Variants in PIP4K2A observed in about 807,000 individuals in gnomAD.
PIP4K2A encodes phosphatidylinositol-5-phosphate 4-kinase type 2 alpha.
PIP4K2A carries 14 observed loss-of-function variants against 42.9 expected under a neutral mutation model. The ratio of observed to expected loss-of-function variants is 0.33; its 90% CI spans 0.22 to 0.51. The LOEUF (loss-of-function observed/expected upper bound fraction) is 0.51, where lower values mean the gene tolerates loss of function less well. Among genes scored for constraint, PIP4K2A ranks in the 20% least tolerant of loss-of-function variants. The probability of loss-of-function intolerance (pLI) is 0.97; values close to 1 mark genes in which losing one functional copy is unlikely to be tolerated. For synonymous variants in PIP4K2A, 192 were observed against 192.2 expected (o/e 1.00, Z 0.01); for missense variants, 434 against 519.8 (o/e 0.83, Z 1.61).
intron 1 of PIP4K2A, among the ~76,000 whole-genome samples, chr10:22,634,280 C>T (rs146972784): frequency 6.6e-6 from 1 of 152,342 alleles, no homozygotes; most frequent in Non-Finnish European, 1.5e-5. Flanking sequence ...AACTATCATG[C>T]ATCACACCTT....
At chr10:22,611,049 G>GA (rs1309265946) in intron 1 of PIP4K2A, among the ~76,000 whole-genome samples, 1 of 152,090 alleles carries the variant, frequency 6.6e-6, no homozygotes, top group Non-Finnish European at 1.5e-5. Context: ...GATTATATTT[G>GA]AAAAAATAAT....
At chr10:22,704,009 T>C (rs1833762985) in intron 1 of PIP4K2A, among the ~76,000 whole-genome samples, 1 of 152,156 alleles carries the variant, frequency 6.6e-6, no homozygotes, top group Non-Finnish European at 1.5e-5. Flanking sequence ...AGAGGCCTGC[T>C]TGGGACATCT....
chr10:22,654,278 ACACT>A (rs1158366728), intron 1 of PIP4K2A, among the ~76,000 whole-genome samples: 1 of 152,248 alleles, frequency 6.6e-6, no homozygotes, highest in Non-Finnish European at 1.5e-5. Context: ...GGTGAGCTGG[ACACT>A]CACTCAGATT....
chr10:22,542,171 T>C, intron 7 of PIP4K2A, 124 bp from the exon 8 acceptor site: 2 of 752,528 alleles, frequency 2.7e-6, no homozygotes, highest in Non-Finnish European at 4.4e-6. Context: ...AGGCGCCGGG[T>C]GCCTCCTTCA....
At position 22,576,352 on chromosome 10, in the gene PIP4K2A, G is replaced by A. The variant is rs146289504; in HGVS notation, c.493-2895C>T. On this transcript the variant is annotated intron_variant, in intron 4 of 9. Coordinates refer to ENST00000376573, the MANE Select transcript of PIP4K2A (RefSeq NM_005028.5). ...GATGTTGACACAAAGAGACCTGAAT[G>A]AGAATCCTGGTGGATTCTCCCAGTT... 5.4e-4 allele frequency among the ~76,000 whole-genome samples: 82 copies of A among 152,292 alleles called. No homozygotes were observed. In the East Asian group the frequency reaches 5.8e-3, roughly 11 times the overall value.
Position 22,590,943 on chromosome 10 carries a change from C to T in PIP4K2A, c.492+686G>A, listed in dbSNP as rs145644455. Among the ~76,000 whole-genome samples, 629 of 152,340 alleles carry T rather than the reference C, an allele frequency of 4.1e-3. 2 individuals are homozygous for T. Among genetic ancestry groups the T allele is most frequent in the African/African-American group, 0.015 (610 of 41,580 alleles). The stretch of plus-strand genomic sequence containing the variant: ...GGGATTTGAGCCCAGGATTGTCCAA[C>T]GCTGGACTTCATGCTCTTATACTCC... On this transcript the variant is annotated intron_variant, in intron 4 of 9. Coordinates refer to ENST00000376573, the MANE Select transcript of PIP4K2A (RefSeq NM_005028.5).
At chr10:22,639,955 A>G (rs1588679446) in intron 1 of PIP4K2A, among the ~76,000 whole-genome samples, 1 of 152,046 alleles carries the variant, frequency 6.6e-6, no homozygotes, top group East Asian at 1.9e-4. Flanking sequence ...ACTTAATTAA[A>G]ACTGGCGGTT....
intron 1 of PIP4K2A, among the ~76,000 whole-genome samples, chr10:22,710,174 C>G (rs1833890075): frequency 6.6e-6 from 1 of 152,048 alleles, no homozygotes; most frequent in South Asian, 2.1e-4. Flanking sequence ...CCAAGGACAC[C>G]ATGAATTCTC....
chr10:22,627,893 G>C (rs1200029619), intron 1 of PIP4K2A, among the ~76,000 whole-genome samples: 2 of 152,270 alleles, frequency 1.3e-5, no homozygotes, highest in Non-Finnish European at 2.9e-5. Flanking sequence ...TGAGAGAAAA[G>C]TTGGCCTATG....
At chr10:22,543,566 TCCC>T (rs1836182690) in intron 7 of PIP4K2A, among the ~76,000 whole-genome samples, 2 of 151,982 alleles carry the variant, frequency 1.3e-5, no homozygotes, top group African/African-American at 4.8e-5. Context: ...TTCCCCAAAC[TCCC>T]CCATTACAGT....
intron 1 of PIP4K2A, among the ~76,000 whole-genome samples, chr10:22,712,931 T>TGTGTGG (rs1833937335): frequency 6.6e-6 from 1 of 151,748 alleles, no homozygotes; most frequent in Admixed American, 6.6e-5. Flanking sequence ...TGTGTGTGTG[T>TGTGTGG]GTGTGTGTGT....
chr10:22,594,677 G>A (rs148212716), intron 3 of PIP4K2A, among the ~76,000 whole-genome samples: 5,212 of 152,292 alleles, frequency 0.034, 305 homozygotes, highest in African/African-American at 0.12. Flanking sequence ...TGGGATTACA[G>A]GCATGAGCCA....
intron 1 of PIP4K2A, among the ~76,000 whole-genome samples, chr10:22,685,609 G>T (rs1349741205): frequency 1.3e-5 from 2 of 152,110 alleles, no homozygotes; most frequent in African/African-American, 2.4e-5. Flanking sequence ...AGCTACCCAG[G>T]GGGGCTAAGG....
Position 22,592,536 on chromosome 10 carries a change from C to T in PIP4K2A, c.340-755G>A, listed in dbSNP as rs1837537385. Among the ~76,000 whole-genome samples the T allele has an allele frequency of 2.0e-5, 3 of 152,230 alleles. No individual in the cohort carries two copies. In the South Asian group the frequency reaches 6.2e-4, roughly 32 times the overall value. ...CACTCCCTACCACCATTTTTGAGAA[C>T]TACTGATCTCCTGGAGGGTGGACAA... On this transcript the variant is annotated intron_variant, in intron 3 of 9. Coordinates refer to ENST00000376573, the MANE Select transcript of PIP4K2A (RefSeq NM_005028.5).
intron 6 of PIP4K2A, among the ~76,000 whole-genome samples, chr10:22,556,822 T>C (rs1450687746): frequency 2.6e-5 from 4 of 152,206 alleles, no homozygotes; most frequent in African/African-American, 9.7e-5. Flanking sequence ...ATACATTTAT[T>C]ATAGACATTT....
chr10:22,664,032 C>CATATATATAT (rs1384082287), intron 1 of PIP4K2A, among the ~76,000 whole-genome samples: 1 of 105,234 alleles, frequency 9.5e-6, no homozygotes, highest in African/African-American at 4.5e-5. Context: ...CATATATATA[C>CATATATATAT]ATATATATAT....
In PIP4K2A at chr10:22,672,223, T is replaced by C. The variant is rs539487812; in HGVS notation, c.144+41960A>G. 3.7e-4 allele frequency among the ~76,000 whole-genome samples: 56 copies of C among 149,998 alleles called. No homozygotes were observed. The South Asian group carries it at 0.011, about 30-fold the overall frequency. On this transcript the variant is annotated intron_variant, in intron 1 of 9. Coordinates refer to ENST00000376573, the MANE Select transcript of PIP4K2A (RefSeq NM_005028.5). ...CTACATCATGAATAATATATCAGCATCAGCATCCTGAAAACAAGGTTCCCT... is the reference window on the plus strand; with the variant it reads ...CTACATCATGAATAATATATCAGCACCAGCATCCTGAAAACAAGGTTCCCT...
chr10:22,657,655 G>A (rs1383592515), intron 1 of PIP4K2A, among the ~76,000 whole-genome samples: 1 of 152,166 alleles, frequency 6.6e-6, no homozygotes, highest in East Asian at 1.9e-4. Flanking sequence ...AATGTCTTCT[G>A]AAAGAATATG....
chr10:22,642,250 G>T (rs1838796486), intron 1 of PIP4K2A, among the ~76,000 whole-genome samples: 1 of 152,024 alleles, frequency 6.6e-6, no homozygotes, highest in Non-Finnish European at 1.5e-5. Context: ...GTCTGAATTG[G>T]GTTTCTGTCA....
Sources: gnomAD v4.1 joint callset for allele counts (sites outside exome capture counted in the v4.1 genomes callset) on GRCh38, gnomAD v4.1.1 for gene constraint, MANE v1.5 for transcripts, NCBI Gene and HGNC (gene_info 2026-07-23, HGNC 2026-07-21) for gene names.